LRP5: variants seen among roughly 807,000 people sequenced by gnomAD.
LRP5 encodes low-density lipoprotein receptor-related protein 5.
LRP5 carries 62 observed loss-of-function variants against 154.1 expected under a neutral mutation model. The ratio of observed to expected loss-of-function variants is 0.40; its 90% CI spans 0.33 to 0.50. The LOEUF (loss-of-function observed/expected upper bound fraction) is 0.50. Among genes scored for constraint, LRP5 ranks in the 20% least tolerant of loss-of-function variants. The pLI, the probability that LRP5 is intolerant of heterozygous loss-of-function variation, is 0.55. For missense variants in LRP5, 1,915 were observed against 2,336.7 expected (o/e 0.82, Z 3.72); for synonymous variants, 966 against 1,011.5 (o/e 0.96, Z 0.85).
intron 14 of LRP5, among the ~76,000 whole-genome samples, chr11:68,424,467 G>C (rs2098667572): frequency 6.6e-6 from 1 of 152,204 alleles, no homozygotes; most frequent in Non-Finnish European, 1.5e-5. Context: ...GGGCTCGGTG[G>C]GCGGAAGCCC....
At chr11:68,376,896 G>T (rs920032174) in intron 5 of LRP5, among the ~76,000 whole-genome samples, 30 of 152,204 alleles carry the variant, frequency 2.0e-4, no homozygotes, top group African/African-American at 7.2e-4. Context: ...TGAGAGGGCT[G>T]CCCAGGCGTC....
intron 8 of LRP5, among the ~76,000 whole-genome samples, chr11:68,406,244 AC>A (rs2098655578): frequency 6.6e-6 from 1 of 152,162 alleles, no homozygotes; most frequent in Admixed American, 6.6e-5. Context: ...GTGTTCTCCC[AC>A]CACCCCCACT....
rs1424657263 is a variant in LRP5 at position 68,396,457 on chromosome 11, C to CT, written c.1584+6408dup. ...TTCTGCGGGGCTAGCCGGGCTCTGC[C>CT]TTTGAACACAATCAGGCTCCAGGTT... On this transcript the variant is annotated intron_variant, in intron 7 of 22. Coordinates refer to ENST00000294304, the MANE Select transcript of LRP5 (RefSeq NM_002335.4). 3.3e-5 allele frequency among the ~76,000 whole-genome samples: 5 copies of CT among 152,274 alleles called. No homozygotes were observed. In the South Asian group the frequency reaches 8.3e-4, roughly 25 times the overall value.
At chr11:68,443,984 T>C (rs1209303893) in intron 21 of LRP5, among the ~76,000 whole-genome samples, 1 of 151,838 alleles carries the variant, frequency 6.6e-6, no homozygotes, top group South Asian at 2.1e-4. Context: ...AACGTCCTCC[T>C]CCTTTCGTTT....
In LRP5 at chr11:68,423,693, C is replaced by G. The variant is rs765402802; in HGVS notation, c.3232C>G (p.Arg1078Gly). 1.1e-5 allele frequency: 18 copies of G among 1,609,296 alleles called. No individual in the cohort carries two copies. Among genetic ancestry groups the G allele is most frequent in the Non-Finnish European group, 1.5e-5 (18 of 1,179,520 alleles). Residue 1078 changes from arginine to glycine, a missense_variant, in exon 14 of 23, where the codon CGA becomes GGA. Arg to Gly is a moderately radical substitution (Grantham distance 125). Coordinates refer to ENST00000294304, the MANE Select transcript of LRP5 (RefSeq NM_002335.4). This position sits in a 1 kb window ranked among gnomAD's most constrained non-coding sequence, Gnocchi z 4.7. ...CAGGGCCATCGTCGTCAACGCGGAG[C>G]GAGGGTAGGAGGCCAACGGGTGGGT... The part of the protein sequence containing the change: ...KPRAIVVNAE[R>G]GYLYFTNMQD...
At chr11:68,422,920 T>C (rs1038482268) in intron 13 of LRP5, among the ~76,000 whole-genome samples, 2 of 117,612 alleles carry the variant, frequency 1.7e-5, no homozygotes, top group Non-Finnish European at 3.7e-5. Flanking sequence ...TGCCCTCCCC[T>C]CACCTGGCCT....
chr11:68,363,736 C>T lies in LRP5; in HGVS notation c.687-11C>T. 1 of 1,611,102 alleles carries T rather than the reference C, an allele frequency of 6.2e-7. No homozygotes were observed. The highest frequency in any genetic ancestry group is 8.5e-7 in the Non-Finnish European group (1 of 1,178,886). On this transcript the variant is annotated splice_polypyrimidine_tract_variant and intron_variant, in intron 3 of 22. Transcript: ENST00000294304. Reference sequence around the variant, plus strand: ...CCTGATGGCTCCTCCACCCCGCTTCCCTGACTGCAGGCAGAAGGTGGTGGA... The same window carrying T: ...CCTGATGGCTCCTCCACCCCGCTTCTCTGACTGCAGGCAGAAGGTGGTGGA...
chr11:68,418,033 G>A (rs1036350782), intron 13 of LRP5, among the ~76,000 whole-genome samples: 1 of 152,194 alleles, frequency 6.6e-6, no homozygotes, highest in Admixed American at 6.5e-5. Context: ...TGCTCACGGC[G>A]GCCTCAGGCC....
intron 1 of LRP5, among the ~76,000 whole-genome samples, chr11:68,343,893 G>A (rs1374173338): frequency 2.6e-5 from 4 of 152,168 alleles, no homozygotes; most frequent in African/African-American, 9.7e-5. Context: ...GCACTCCCCT[G>A]AATGTGCCGG....
chr11:68,373,062 A>C (rs1165187641), intron 5 of LRP5, among the ~76,000 whole-genome samples: 1 of 151,432 alleles, frequency 6.6e-6, no homozygotes, highest in East Asian at 2.0e-4. Context: ...TGTGTGGGGC[A>C]GGTTGTGGGG....
chr11:68,328,474 A>G (rs760432011), intron 1 of LRP5, among the ~76,000 whole-genome samples: 2 of 152,226 alleles, frequency 1.3e-5, no homozygotes, highest in African/African-American at 2.4e-5. Context: ...TGTGAGGAAG[A>G]ACAATGAGAC....
At chr11:68,383,032 C>T (rs1021305083) in intron 5 of LRP5, among the ~76,000 whole-genome samples, 1 of 152,076 alleles carries the variant, frequency 6.6e-6, no homozygotes, top group African/African-American at 2.4e-5. Flanking sequence ...AGTGCGCCAC[C>T]AGGCCTGGCA....
In LRP5 at chr11:68,426,081, C is replaced by T. The variant is rs763431606; in HGVS notation, c.3531C>T (p.Ile1177=). 15 of 1,613,530 alleles carry T rather than the reference C, an allele frequency of 9.3e-6. No individual in the cohort carries two copies. The highest frequency in any genetic ancestry group is 2.2e-5 in the South Asian group (2 of 91,078). The change falls in exon 16 of 23, where the codon ATC becomes ATT. Residue 1177 remains isoleucine, a synonymous_variant. Transcript: ENST00000294304. ...LYWIDRQQQM[I]ERVEKTTGDK... is the part of the protein sequence containing the mutation. Reference sequence around the variant, plus strand: ...GGATCGACCGCCAGCAGCAGATGATCGAGCGTGTGGAGAAGACCACCGGGG... The same window carrying T: ...GGATCGACCGCCAGCAGCAGATGATTGAGCGTGTGGAGAAGACCACCGGGG...
chr11:68,440,209 C>T (rs909796540), intron 21 of LRP5, among the ~76,000 whole-genome samples: 4 of 152,236 alleles, frequency 2.6e-5, no homozygotes, highest in African/African-American at 4.8e-5. Context: ...GTGTTCCGCA[C>T]GGCCCAGCCC....
intron 2 of LRP5, among the ~76,000 whole-genome samples, chr11:68,354,815 C>T (rs566683096): frequency 6.6e-6 from 1 of 152,314 alleles, no homozygotes; most frequent in East Asian, 1.9e-4. Context: ...AATAGCAATT[C>T]CCACCTTCCC....
intron 8 of LRP5, among the ~76,000 whole-genome samples, chr11:68,405,184 A>G (rs1200820960): frequency 6.6e-6 from 1 of 151,706 alleles, no homozygotes; most frequent in Non-Finnish European, 1.5e-5. Flanking sequence ...AAGAACATTT[A>G]TGCCAGGTGT....
chr11:68,374,363 G>A (rs1157661093), intron 5 of LRP5, among the ~76,000 whole-genome samples: 1 of 152,194 alleles, frequency 6.6e-6, no homozygotes, highest in Non-Finnish European at 1.5e-5. Context: ...AGGTCCTGTG[G>A]GGCCGAGTCT....
At chr11:68,428,530 C>T (rs1380283828) in intron 16 of LRP5, among the ~76,000 whole-genome samples, 2 of 151,922 alleles carry the variant, frequency 1.3e-5, no homozygotes, top group Non-Finnish European at 2.9e-5. Context: ...GATGCGCCGC[C>T]TCAACCTCTG....
intron 21 of LRP5, among the ~76,000 whole-genome samples, chr11:68,445,004 G>A (rs910544270): frequency 2.4e-4 from 37 of 152,262 alleles, no homozygotes; most frequent in African/African-American, 8.4e-4. Flanking sequence ...GAAGGGCCTG[G>A]CCACTCCCCA....
Sources: gnomAD v4.1 joint callset for allele counts (sites outside exome capture counted in the v4.1 genomes callset) on GRCh38, gnomAD v4.1.1 for gene constraint, Gnocchi (gnomAD v3.1) non-coding constraint, MANE v1.5 for transcripts, NCBI Gene and HGNC (gene_info 2026-07-23, HGNC 2026-07-21) for gene names.